The following NAV2 variants were observed in gnomAD, a reference collection of about 807,000 sequenced individuals.
NAV2 encodes helicase, APC down-regulated 1.
NAV2 carries 54 observed loss-of-function variants against 223.2 expected under a neutral mutation model. That is an observed-to-expected ratio of 0.24 (90% CI 0.19 to 0.30). NAV2 has a LOEUF of 0.30. Among genes scored for constraint, NAV2 ranks in the 10% least tolerant of loss-of-function variants. The pLI is 1.00. For missense variants in NAV2, 2,806 were observed against 3,147.5 expected, an observed-to-expected ratio of 0.89 and a Z score of 2.60; for synonymous variants, 1,279 against 1,239.3, an observed-to-expected ratio of 1.03 and a Z score of -0.67.
At chr11:20,016,838 C>A (rs1352959399) in intron 11 of NAV2, among the ~76,000 whole-genome samples, 9 of 145,492 alleles carry the variant, frequency 6.2e-5, no homozygotes, top group East Asian at 2.0e-4. Flanking sequence ...TACTAAAATA[C>A]AAAAAAAAAA....
At chr11:19,385,393 A>G (rs1445953261) in intron 1 of NAV2, among the ~76,000 whole-genome samples, 1 of 152,282 alleles carries the variant, frequency 6.6e-6, no homozygotes, top group Non-Finnish European at 1.5e-5. Context: ...TTCAAGAACC[A>G]TAAAGACAGT....
intron 1 of NAV2, among the ~76,000 whole-genome samples, chr11:19,684,096 T>C (rs999935179): frequency 9.2e-5 from 14 of 152,166 alleles, no homozygotes; most frequent in African/African-American, 3.4e-4. Flanking sequence ...CTGATAGAGC[T>C]TCTCTGAAAA....
At chr11:19,403,207 C>G (rs892202196) in intron 1 of NAV2, among the ~76,000 whole-genome samples, 3 of 152,174 alleles carry the variant, frequency 2.0e-5, no homozygotes, top group Non-Finnish European at 4.4e-5. Flanking sequence ...TTTGTTAAAC[C>G]AGCAGCCACT....
intron 1 of NAV2, among the ~76,000 whole-genome samples, chr11:19,597,951 C>A (rs1236651955): frequency 6.6e-6 from 1 of 152,250 alleles, no homozygotes; most frequent in Non-Finnish European, 1.5e-5. Context: ...CTCTCAAGGG[C>A]AGGTGGGTCT....
At chr11:19,680,876 C>T (rs2048863313) in intron 1 of NAV2, among the ~76,000 whole-genome samples, 1 of 152,188 alleles carries the variant, frequency 6.6e-6, no homozygotes, top group South Asian at 2.1e-4. Flanking sequence ...TTCAGTAAAG[C>T]CAAACAATCA....
intron 27 of NAV2, 85 bp from the exon 28 acceptor site, chr11:20,092,121 A>C: frequency 7.3e-7 from 1 of 1,373,920 alleles, no homozygotes; most frequent in Non-Finnish European, 1.0e-6. Flanking sequence ...TGGTTTCTGC[A>C]GGGAACTTTC....
intron 1 of NAV2, among the ~76,000 whole-genome samples, chr11:19,464,194 A>C (rs1032585807): frequency 6.6e-6 from 1 of 151,912 alleles, no homozygotes; most frequent in East Asian, 1.9e-4. Context: ...TGCAGGCTAC[A>C]CTCTAGTGGG....
Position 20,022,922 on chromosome 11 carries a change from C to T in NAV2, c.2769-13037C>T, listed in dbSNP as rs573123879. 7.0e-5 allele frequency: 94 copies of T among 1,349,998 alleles called. 2 individuals carry two copies. In the East Asian group the frequency reaches 1.9e-3, roughly 27 times the overall value. 83.6% of individuals were successfully genotyped at this position (1,349,998 alleles called of 1,614,324 possible). On this transcript the variant is annotated intron_variant, in intron 11 of 37. Transcript: ENST00000349880. The stretch of plus-strand genomic sequence containing the variant: ...TCAGAGGTTAATTTTGTTGGGGGAT[C>T]GGATTTCTTTCCTGGCCTGGGGAAT...
At chr11:19,415,120 A>G (rs561830005) in intron 1 of NAV2, among the ~76,000 whole-genome samples, 8 of 152,286 alleles carry the variant, frequency 5.3e-5, no homozygotes, top group African/African-American at 1.7e-4. Context: ...GGAGATAGAG[A>G]CACGAAAAAC....
intron 10 of NAV2, among the ~76,000 whole-genome samples, chr11:19,963,066 G>A (rs901243641): frequency 2.6e-5 from 4 of 152,320 alleles, no homozygotes; most frequent in South Asian, 4.2e-4. Context: ...TATAGAGAAG[G>A]GGGAAGGCCA....
At chr11:19,745,207 C>A (rs890218525) in intron 1 of NAV2, among the ~76,000 whole-genome samples, 8 of 152,162 alleles carry the variant, frequency 5.3e-5, no homozygotes, top group African/African-American at 1.9e-4. Context: ...TCAGGAATCT[C>A]CCCTTTCCGC....
chr11:19,464,416 A>C (rs766217725), intron 1 of NAV2, among the ~76,000 whole-genome samples: 2 of 152,162 alleles, frequency 1.3e-5, no homozygotes, highest in African/African-American at 2.4e-5. Flanking sequence ...GGGATACAGG[A>C]TAGATCCTGC....
At chr11:19,652,714 T>C (rs1245846240) in intron 1 of NAV2, among the ~76,000 whole-genome samples, 1 of 152,212 alleles carries the variant, frequency 6.6e-6, no homozygotes, top group Non-Finnish European at 1.5e-5. Flanking sequence ...GTCACCAGTT[T>C]GGTGTGCAGC....
At chr11:19,646,188 T>C (rs565231517) in intron 1 of NAV2, among the ~76,000 whole-genome samples, 26 of 152,354 alleles carry the variant, frequency 1.7e-4, no homozygotes, top group African/African-American at 5.5e-4. Context: ...GAAATGCTAA[T>C]GGCCTCTTGA....
Position 19,713,422 on chromosome 11 carries a change from A to T in NAV2, c.-274A>T. The T allele has an allele frequency of 8.0e-7, 1 of 1,248,160 alleles. No individual in the cohort carries two copies. The highest frequency in any genetic ancestry group is 1.0e-6 in the Non-Finnish European group (1 of 998,792). The allele number at this position is 1,248,160 out of a possible 1,614,324, so 77.3% of individuals were successfully genotyped here. ...GAGCGCCCAGAGCTCTTGAAAGGCC[A>T]CCCAGGAGAGGTGTGAGACCCGGCG... On this transcript the variant is annotated 5_prime_UTR_variant, in exon 1 of 38. Coordinates refer to ENST00000349880, the MANE Select transcript of NAV2 (RefSeq NM_145117.5). The surrounding 1 kb of genome is among the most constrained non-coding windows in gnomAD (Gnocchi z 7.2).
At chr11:19,567,615 G>A (rs1359119401) in intron 1 of NAV2, among the ~76,000 whole-genome samples, 1 of 152,124 alleles carries the variant, frequency 6.6e-6, no homozygotes, top group East Asian at 1.9e-4. Flanking sequence ...CTCTTGGTGA[G>A]CCAGGCCCCC....
chr11:19,555,112 G>C (rs2044834205), intron 1 of NAV2, among the ~76,000 whole-genome samples: 1 of 151,976 alleles, frequency 6.6e-6, no homozygotes, highest in Admixed American at 6.6e-5. Context: ...TCTTAGATTG[G>C]GTTCCCCGAT....
At chr11:19,664,222 C>T (rs1424019142) in intron 1 of NAV2, among the ~76,000 whole-genome samples, 1 of 152,206 alleles carries the variant, frequency 6.6e-6, no homozygotes, top group African/African-American at 2.4e-5. Context: ...CTGAGTCTCC[C>T]TCTTTTTTAG....
At chr11:20,099,425 T>C (rs1459750616) in intron 31 of NAV2, among the ~76,000 whole-genome samples, 1 of 152,194 alleles carries the variant, frequency 6.6e-6, no homozygotes, top group Middle Eastern at 3.2e-3. Flanking sequence ...GAATGGCCTA[T>C]TGCTGAGACC....
Sources: allele counts gnomAD v4.1 joint callset (sites outside exome capture counted in the v4.1 genomes callset), GRCh38; gene constraint gnomAD v4.1.1; non-coding constraint Gnocchi (gnomAD v3.1); transcripts MANE v1.5; gene names NCBI Gene and HGNC (gene_info 2026-07-23, HGNC 2026-07-21).